XKR9: variants seen among roughly 807,000 people sequenced by gnomAD.
The protein encoded by XKR9 is XK-related protein 9.
Under a neutral mutation model 32.0 loss-of-function variants are expected in XKR9, and 32 were observed. That is an observed-to-expected ratio of 1.00 (90% confidence interval 0.76 to 1.34). The LOEUF (loss-of-function observed/expected upper bound fraction) is 1.34. Among genes scored for constraint, XKR9 ranks in the 40% most tolerant of loss-of-function variants. The pLI, the probability that XKR9 is intolerant of heterozygous loss-of-function variation, is 0.00. For synonymous variants in XKR9, 168 were observed against 143.4 expected (o/e 1.17, Z -1.22); for missense variants, 546 against 429.7 (o/e 1.27, Z -2.39).
At chr8:70,839,951 C>T in the XKR9 span, among the ~76,000 whole-genome samples, 1 of 152,154 alleles carries the variant, frequency 6.6e-6, no homozygotes. Context: ...GCCCATTTAA[C>T]GTTCTCTTTC....
the XKR9 span, among the ~76,000 whole-genome samples, chr8:71,002,278 C>G: frequency 1.4e-5 from 2 of 139,938 alleles, no homozygotes; most frequent in Admixed American, 7.2e-5. Context: ...CTATAAACTA[C>G]GAGGAAGGGC....
intron 3 of XKR9, among the ~76,000 whole-genome samples, chr8:70,699,166 C>A (rs1388018762): frequency 6.6e-6 from 1 of 152,160 alleles, no homozygotes; most frequent in East Asian, 1.9e-4. Flanking sequence ...TTAACTGGAG[C>A]ATTTAGTCCA....
chr8:71,054,530 G>A, the XKR9 span, among the ~76,000 whole-genome samples: 2 of 152,132 alleles, frequency 1.3e-5, no homozygotes, highest in African/African-American at 4.8e-5. Flanking sequence ...CACCACTTCT[G>A]TAAATGGCCT....
At chr8:70,909,240 G>T in the XKR9 span, among the ~76,000 whole-genome samples, 1 of 152,078 alleles carries the variant, frequency 6.6e-6, no homozygotes, top group African/African-American at 2.4e-5. Flanking sequence ...CCTGTGAATT[G>T]CCTCCTCGTG....
the XKR9 span, among the ~76,000 whole-genome samples, chr8:70,896,175 A>G: frequency 1.3e-5 from 2 of 152,168 alleles, no homozygotes; most frequent in Non-Finnish European, 2.9e-5. Context: ...TTTTTAAAAT[A>G]TAATGTCTTT....
At chr8:70,763,128 G>A (rs567727517) in intron 2 of XKR9, among the ~76,000 whole-genome samples, 1 of 152,062 alleles carries the variant, frequency 6.6e-6, no homozygotes, top group South Asian at 2.1e-4. Flanking sequence ...TGTGAGAAAG[G>A]GATGAAAAGA....
the XKR9 span, among the ~76,000 whole-genome samples, chr8:70,926,473 C>T: frequency 1.3e-5 from 2 of 152,148 alleles, no homozygotes; most frequent in African/African-American, 4.8e-5. Context: ...CAAGTTTTAC[C>T]AAACACACCC....
the XKR9 span, among the ~76,000 whole-genome samples, chr8:70,875,842 A>C: frequency 2.0e-5 from 3 of 152,348 alleles, no homozygotes; most frequent in South Asian, 6.2e-4. Context: ...CAAGATTTAG[A>C]AAACCAAACC....
At chr8:70,901,170 AC>A in the XKR9 span, among the ~76,000 whole-genome samples, 1 of 152,180 alleles carries the variant, frequency 6.6e-6, no homozygotes, top group South Asian at 2.1e-4. Flanking sequence ...TTGGGTATAT[AC>A]CCAGTAATGG....
the XKR9 span, among the ~76,000 whole-genome samples, chr8:70,947,938 A>G: frequency 6.6e-6 from 1 of 152,208 alleles, no homozygotes; most frequent in Non-Finnish European, 1.5e-5. Flanking sequence ...ATTTAGTAGG[A>G]GCATGTGTCT....
intron 2 of XKR9, among the ~76,000 whole-genome samples, chr8:70,761,494 G>A (rs578189087): frequency 9.2e-5 from 14 of 151,900 alleles, no homozygotes; most frequent in Non-Finnish European, 1.5e-4. Flanking sequence ...ATTGTTGTTC[G>A]CACGTGTCTT....
chr8:70,888,634 G>A, the XKR9 span, among the ~76,000 whole-genome samples: 1 of 151,860 alleles, frequency 6.6e-6, no homozygotes, highest in Non-Finnish European at 1.5e-5. Flanking sequence ...TTTATATATC[G>A]TGAGAGATAG....
the XKR9 span, among the ~76,000 whole-genome samples, chr8:70,932,658 C>T: frequency 0.31 from 47,342 of 152,052 alleles, 8,840 homozygotes; most frequent in Non-Finnish European, 0.43. Flanking sequence ...TGGTTTCTCC[C>T]GAGGCCCTTC....
the XKR9 span, among the ~76,000 whole-genome samples, chr8:70,862,576 G>A: frequency 8.3e-6 from 1 of 120,306 alleles, no homozygotes; most frequent in East Asian, 2.0e-4. Context: ...TTTTCTTAGA[G>A]GCAGTATGGT....
the XKR9 span, among the ~76,000 whole-genome samples, chr8:70,998,231 C>T: frequency 6.6e-6 from 1 of 152,164 alleles, no homozygotes; most frequent in African/African-American, 2.4e-5. Flanking sequence ...TTCCATAGAT[C>T]CTCAAAGTTA....
At chr8:70,948,113 C>T in the XKR9 span, among the ~76,000 whole-genome samples, 3 of 151,928 alleles carry the variant, frequency 2.0e-5, no homozygotes, top group African/African-American at 7.3e-5. Flanking sequence ...CCCCACCCTG[C>T]CCCATGTATA....
At chr8:70,807,893 C>G in the XKR9 span, among the ~76,000 whole-genome samples, 1 of 152,148 alleles carries the variant, frequency 6.6e-6, no homozygotes, top group Non-Finnish European at 1.5e-5. Context: ...GACTTGAACT[C>G]AGCTCTGGAT....
At chr8:70,849,639 G>A in the XKR9 span, among the ~76,000 whole-genome samples, 1 of 152,044 alleles carries the variant, frequency 6.6e-6, no homozygotes, top group South Asian at 2.1e-4. Context: ...AGGAAATAGA[G>A]ACACAAAAAA....
At chr8:70,724,670 C>G (rs974808771) in intron 4 of XKR9, among the ~76,000 whole-genome samples, 1 of 152,104 alleles carries the variant, frequency 6.6e-6, no homozygotes, top group African/African-American at 2.4e-5. Context: ...GAGGTGACAA[C>G]CCACCCTGCT....
Sources: gnomAD v4.1 joint callset for allele counts (sites outside exome capture counted in the v4.1 genomes callset) on GRCh38, gnomAD v4.1.1 for gene constraint, MANE v1.5 for transcripts, NCBI Gene and HGNC (gene_info 2026-07-23, HGNC 2026-07-21) for gene names.